Variants in SNTG1 observed in about 807,000 individuals in gnomAD.
SNTG1 encodes the protein syntrophin gamma 1.
In SNTG1, 39 loss-of-function variants were observed where a neutral mutation model predicts 74.7. That is an observed-to-expected ratio of 0.52 (90% CI 0.40 to 0.68). The LOEUF (loss-of-function observed/expected upper bound fraction) is 0.68, where lower values mean the gene tolerates loss of function less well. Ranked by LOEUF, SNTG1 falls within the 30% of genes least tolerant of loss-of-function variation. The pLI, the probability that SNTG1 is intolerant of heterozygous loss-of-function variation, is 0.00. For synonymous variants in SNTG1, 254 were observed against 217.1 expected (o/e 1.17, Z -1.49); for missense variants, 685 against 609.5 (o/e 1.12, Z -1.30).
intron 1 of SNTG1, among the ~76,000 whole-genome samples, chr8:49,916,488 A>G (rs1806048551): frequency 6.6e-6 from 1 of 152,112 alleles, no homozygotes; most frequent in Non-Finnish European, 1.5e-5. Flanking sequence ...GCTTATTATC[A>G]CTTCATCATA....
At chr8:50,400,647 T>C (rs1176804695) in intron 3 of SNTG1, among the ~76,000 whole-genome samples, 1 of 152,210 alleles carries the variant, frequency 6.6e-6, no homozygotes, top group Non-Finnish European at 1.5e-5. Context: ...TTTCTCCACA[T>C]CTTCACCAGC....
At chr8:50,142,933 G>A (rs2081722739) in intron 1 of SNTG1, among the ~76,000 whole-genome samples, 1 of 151,906 alleles carries the variant, frequency 6.6e-6, no homozygotes, top group Non-Finnish European at 1.5e-5. Flanking sequence ...AATTAGCTGG[G>A]TCTGGTGGCG....
chr8:50,472,748 A>T (rs567355474), intron 8 of SNTG1, among the ~76,000 whole-genome samples: 173 of 152,276 alleles, frequency 1.1e-3, no homozygotes, highest in African/African-American at 4.1e-3. Context: ...ATGGAATGGC[A>T]TAAAATATTT....
intron 8 of SNTG1, among the ~76,000 whole-genome samples, chr8:50,475,488 C>T (rs1278369306): frequency 3.3e-5 from 5 of 152,158 alleles, no homozygotes; most frequent in Non-Finnish European, 4.4e-5. Context: ...TCTGTAGATT[C>T]CTGAATGGCA....
intron 1 of SNTG1, among the ~76,000 whole-genome samples, chr8:50,141,596 T>G (rs117380935): frequency 6.6e-6 from 1 of 152,312 alleles, no homozygotes; most frequent in Non-Finnish European, 1.5e-5. Flanking sequence ...ATGGAACATT[T>G]TGAGTATCTG....
At chr8:50,307,928 G>T (rs2089965443) in intron 2 of SNTG1, among the ~76,000 whole-genome samples, 1 of 152,070 alleles carries the variant, frequency 6.6e-6, no homozygotes, top group African/African-American at 2.4e-5. Flanking sequence ...CACATTCTGA[G>T]ATGTCCTGGA....
At chr8:50,732,382 C>A (rs1000652858) in intron 17 of SNTG1, among the ~76,000 whole-genome samples, 8 of 150,144 alleles carry the variant, frequency 5.3e-5, no homozygotes, top group Non-Finnish European at 8.9e-5. Flanking sequence ...GACATTTTTT[C>A]TCTATTTGTT....
chr8:50,305,467 T>C (rs2089849757), intron 2 of SNTG1, among the ~76,000 whole-genome samples: 1 of 152,022 alleles, frequency 6.6e-6, no homozygotes, highest in Non-Finnish European at 1.5e-5. Context: ...AAATTTTAAG[T>C]TTTGTTTACA....
chr8:50,344,736 G>A (rs2091422470), intron 2 of SNTG1, among the ~76,000 whole-genome samples: 1 of 152,122 alleles, frequency 6.6e-6, no homozygotes, highest in Admixed American at 6.5e-5. Context: ...TCTCACATTG[G>A]AATTCTTGAG....
intron 2 of SNTG1, among the ~76,000 whole-genome samples, chr8:50,371,960 GT>G: frequency 6.6e-6 from 1 of 152,108 alleles, no homozygotes. Context: ...GTTGGATCTT[GT>G]TTTTTAATCC....
At chr8:50,146,751 A>T (rs1364186874) in intron 1 of SNTG1, among the ~76,000 whole-genome samples, 2 of 152,182 alleles carry the variant, frequency 1.3e-5, no homozygotes, top group African/African-American at 4.8e-5. Context: ...TCTAAAAATT[A>T]TGTAGTGGCC....
chr8:50,708,874 T>G lies in SNTG1; in HGVS notation c.1192-12T>G. The G allele has an allele frequency of 6.3e-7, 1 of 1,585,726 alleles. No individual in the cohort carries two copies. Among genetic ancestry groups the G allele is most frequent in the Non-Finnish European group, 8.7e-7 (1 of 1,155,246 alleles). On this transcript the variant is annotated splice_polypyrimidine_tract_variant and intron_variant, in intron 16 of 18. Transcript: ENST00000642720. ...TAACATGAAAAGTAACAATACTTTCTGTTCTACCTAGTGCAAGACCTATGC... is the reference window on the plus strand; with the variant it reads ...TAACATGAAAAGTAACAATACTTTCGGTTCTACCTAGTGCAAGACCTATGC...
At chr8:50,682,226 A>G (rs1411633073) in intron 15 of SNTG1, among the ~76,000 whole-genome samples, 2 of 152,146 alleles carry the variant, frequency 1.3e-5, no homozygotes, top group African/African-American at 4.8e-5. Context: ...GGTAGTCCCT[A>G]CTGCTGTGTC....
intron 2 of SNTG1, among the ~76,000 whole-genome samples, chr8:50,341,817 C>T (rs905747512): frequency 2.0e-5 from 3 of 151,944 alleles, no homozygotes; most frequent in Non-Finnish European, 4.4e-5. Flanking sequence ...GCCATAGGAA[C>T]ATGACAAGAT....
intron 1 of SNTG1, among the ~76,000 whole-genome samples, chr8:50,050,861 G>T (rs1464403408): frequency 2.6e-5 from 4 of 151,682 alleles, no homozygotes; most frequent in Admixed American, 6.6e-5. Flanking sequence ...TGTAATATTG[G>T]AAAATAAATT....
intron 8 of SNTG1, among the ~76,000 whole-genome samples, chr8:50,474,246 G>T (rs1367600019): frequency 1.4e-4 from 21 of 152,046 alleles, no homozygotes; most frequent in African/African-American, 5.1e-4. Flanking sequence ...AAACTAAACA[G>T]CTTCTGCACA....
rs573403024 is a variant in SNTG1, at chr8:50,383,393, G to A, written c.-27-10819G>A. Among the ~76,000 whole-genome samples, 18 of 152,130 alleles carry A rather than the reference G, an allele frequency of 1.2e-4. 1 individual carries two copies. Among genetic ancestry groups the A allele is most frequent in the African/African-American group, 4.1e-4 (17 of 41,500 alleles). On this transcript the variant is annotated intron_variant, in intron 2 of 18. Coordinates refer to ENST00000642720, the MANE Select transcript of SNTG1 (RefSeq NM_018967.5). ...ATAAATCTTATGTTAGATGATAAGG[G>A]AATAAAGAAGGGAAGAAAACAAAGA...
intron 2 of SNTG1, among the ~76,000 whole-genome samples, chr8:50,225,445 C>T (rs1219569014): frequency 6.6e-6 from 1 of 152,116 alleles, no homozygotes. Context: ...CACCTATGAC[C>T]TGGAAGTGCC....
intron 8 of SNTG1, among the ~76,000 whole-genome samples, chr8:50,452,139 A>C (rs1171630981): frequency 1.3e-5 from 2 of 152,186 alleles, no homozygotes; most frequent in Non-Finnish European, 2.9e-5. Context: ...AATTAGGAAC[A>C]CTTGGCATAA....
Sources: gnomAD v4.1 joint callset for allele counts (sites outside exome capture counted in the v4.1 genomes callset) on GRCh38, gnomAD v4.1.1 for gene constraint, MANE v1.5 for transcripts, NCBI Gene and HGNC (gene_info 2026-07-23, HGNC 2026-07-21) for gene names.